Variants in ADGRL3 observed in about 807,000 individuals in gnomAD.
ADGRL3 encodes the protein calcium-independent alpha-latrotoxin receptor 3.
A neutral mutation model predicts 153.5 loss-of-function variants in ADGRL3; 62 were observed. The ratio of observed to expected loss-of-function variants is 0.40; its 90% confidence interval spans 0.33 to 0.50. The LOEUF (loss-of-function observed/expected upper bound fraction) is 0.50, where lower values mean the gene tolerates loss of function less well. Ranked by LOEUF, ADGRL3 falls within the 20% of genes least tolerant of loss-of-function variation. ADGRL3 has a pLI of 0.47. For synonymous variants in ADGRL3, 710 were observed against 672.5 expected (o/e 1.06, Z -0.86); for missense variants, 1,641 against 1,859.4 (o/e 0.88, Z 2.16).
chr4:61,309,991 G>T (rs893252356), intron 1 of ADGRL3, among the ~76,000 whole-genome samples: 4 of 151,796 alleles, frequency 2.6e-5, no homozygotes, highest in Admixed American at 6.6e-5. Flanking sequence ...TTGGCACATA[G>T]TACAACTGTG....
At chr4:61,550,772 A>C (rs937545543) in intron 4 of ADGRL3, among the ~76,000 whole-genome samples, 9 of 152,054 alleles carry the variant, frequency 5.9e-5, no homozygotes, top group African/African-American at 2.2e-4. Flanking sequence ...CAGTATTCTT[A>C]TTTGTGAAGT....
At chr4:61,751,552 G>A (rs59975145) in intron 8 of ADGRL3, among the ~76,000 whole-genome samples, 10,071 of 152,186 alleles carry the variant, frequency 0.066, 600 homozygotes, top group African/African-American at 0.16. Context: ...ATGCAGACAA[G>A]CATACAGAAA....
intron 1 of ADGRL3, among the ~76,000 whole-genome samples, chr4:61,297,504 T>C (rs1356034557): frequency 6.6e-6 from 1 of 152,186 alleles, no homozygotes; most frequent in African/African-American, 2.4e-5. Context: ...TGCATTATTT[T>C]TAGTTTTTGC....
intron 13 of ADGRL3, chr4:61,933,894 A>G (rs916780626): frequency 6.6e-6 from 1 of 152,024 alleles, no homozygotes; most frequent in African/African-American, 2.4e-5. Context: ...ATTCAACTTT[A>G]TTTCTGGATT....
At chr4:61,431,637 T>A (rs1371016702) in intron 2 of ADGRL3, among the ~76,000 whole-genome samples, 4 of 152,198 alleles carry the variant, frequency 2.6e-5, no homozygotes, top group Non-Finnish European at 5.9e-5. Flanking sequence ...CTGGTTGTGA[T>A]GACACCATAT....
intron 5 of ADGRL3, among the ~76,000 whole-genome samples, chr4:61,602,644 A>G (rs2099016702): frequency 6.6e-6 from 1 of 152,160 alleles, no homozygotes; most frequent in Non-Finnish European, 1.5e-5. Flanking sequence ...TTAAAAAATG[A>G]AAGAACAGAG....
chr4:61,776,351 GTTCT>G (rs2097151369), intron 8 of ADGRL3, among the ~76,000 whole-genome samples: 1 of 152,152 alleles, frequency 6.6e-6, no homozygotes, highest in Admixed American at 6.5e-5. Flanking sequence ...GGGGTTTTGA[GTTCT>G]TTATTTTATT....
At position 61,936,781 on chromosome 4, in the gene ADGRL3, TACAC is replaced by T. The variant is rs71666904; in HGVS notation, c.2419+766_2419+769del. 9.4e-4 allele frequency among the ~76,000 whole-genome samples: 130 copies of T among 138,816 alleles called. 1 individual carries two copies. Among genetic ancestry groups the T allele is most frequent in the South Asian group, 2.1e-3 (9 of 4,328 alleles). 91.1% of individuals were successfully genotyped at this position (138,816 alleles called of 152,430 possible). ...ATATTTGTACATATGTACATATGCA[TACAC>T]ACACACACACACACACACACACACA... On this transcript the variant is annotated intron_variant, in intron 15 of 26. Coordinates refer to ENST00000683033, the MANE Select transcript of ADGRL3 (RefSeq NM_001387552.1).
chr4:61,954,876 C>T (rs1402035123), intron 17 of ADGRL3, among the ~76,000 whole-genome samples: 1 of 152,118 alleles, frequency 6.6e-6, no homozygotes, highest in Non-Finnish European at 1.5e-5. Context: ...AGTAAGCAAA[C>T]CAGGTCCCTG....
chr4:62,067,769 T>C (rs1199292637), intron 25 of ADGRL3, among the ~76,000 whole-genome samples: 2 of 152,056 alleles, frequency 1.3e-5, no homozygotes, highest in African/African-American at 4.8e-5. Context: ...TAACATTCCT[T>C]GAAGCACGTA....
chr4:61,440,049 CATTTT>C (rs1410187024), intron 2 of ADGRL3, among the ~76,000 whole-genome samples: 1 of 151,598 alleles, frequency 6.6e-6, no homozygotes, highest in African/African-American at 2.4e-5. Context: ...TATTTTATTT[CATTTT>C]ATTTTATTTT....
chr4:61,933,034 A>G (rs767603889), intron 13 of ADGRL3, among the ~76,000 whole-genome samples: 11 of 151,942 alleles, frequency 7.2e-5, no homozygotes, highest in Non-Finnish European at 1.5e-4. Flanking sequence ...ATTATCCCCA[A>G]TAAAATTTCC....
At chr4:61,218,712 G>A (rs1329355817) in intron 1 of ADGRL3, among the ~76,000 whole-genome samples, 2 of 152,140 alleles carry the variant, frequency 1.3e-5, no homozygotes, top group South Asian at 2.1e-4. Context: ...TGGTCAAGCA[G>A]CACCTTCCTG....
At position 61,288,401 on chromosome 4, in the gene ADGRL3, A is replaced by C. The variant is rs558112300; in HGVS notation, c.-240+86636A>C. On this transcript the variant is annotated intron_variant, in intron 1 of 26. Transcript: ENST00000683033. Reference sequence around the variant, plus strand: ...ATCAAGGACCGACTCTCTTTTCAAAATCTTTGGTTGGTAGTTGCTGCTGTT... The same window carrying C: ...ATCAAGGACCGACTCTCTTTTCAAACTCTTTGGTTGGTAGTTGCTGCTGTT... Among the ~76,000 whole-genome samples the C allele has an allele frequency of 3.3e-5, 5 of 152,076 alleles. 1 individual carries two copies. Among genetic ancestry groups the C allele is most frequent in the African/African-American group, 1.2e-4 (5 of 41,536 alleles).
chr4:61,371,837 G>A (rs979897362), intron 1 of ADGRL3, among the ~76,000 whole-genome samples: 13 of 152,032 alleles, frequency 8.6e-5, no homozygotes, highest in Non-Finnish European at 1.3e-4. Context: ...TTCCAACTTG[G>A]TTCCATTCTC....
intron 6 of ADGRL3, among the ~76,000 whole-genome samples, chr4:61,694,119 C>T (rs1204430772): frequency 2.0e-5 from 3 of 150,422 alleles, no homozygotes; most frequent in Non-Finnish European, 2.9e-5. Context: ...GCAACTCAGG[C>T]ACCCATTATA....
At chr4:61,767,014 T>A (rs1024234106) in intron 8 of ADGRL3, among the ~76,000 whole-genome samples, 1 of 152,028 alleles carries the variant, frequency 6.6e-6, no homozygotes, top group Admixed American at 6.6e-5. Flanking sequence ...CAGGCTTTAA[T>A]CTTTTTAAAG....
chr4:61,510,504 AT>A, intron 3 of ADGRL3, among the ~76,000 whole-genome samples: 1 of 152,306 alleles, frequency 6.6e-6, no homozygotes, highest in East Asian at 1.9e-4. Context: ...AACACCGTTT[AT>A]TAAATAGGGA....
At chr4:61,579,238 T>C (rs2098912113) in intron 4 of ADGRL3, among the ~76,000 whole-genome samples, 1 of 152,106 alleles carries the variant, frequency 6.6e-6, no homozygotes, top group Non-Finnish European at 1.5e-5. Context: ...GCATTTAGAA[T>C]TAAATTGGCA....
Sources: gnomAD v4.1 joint callset for allele counts (sites outside exome capture counted in the v4.1 genomes callset) on GRCh38, gnomAD v4.1.1 for gene constraint, MANE v1.5 for transcripts, NCBI Gene and HGNC (gene_info 2026-07-23, HGNC 2026-07-21) for gene names.